The following EPM2A variants were observed in gnomAD, a reference collection of about 807,000 sequenced individuals.
EPM2A encodes the protein EPM2A glucan phosphatase, laforin.
EPM2A carries 21 observed loss-of-function variants against 26.5 expected under a neutral mutation model. That is an observed-to-expected ratio of 0.79 (90% CI 0.56 to 1.14). EPM2A has a LOEUF of 1.14. Among genes scored for constraint, EPM2A ranks in the 50% most tolerant of loss-of-function variants. The pLI is 0.00. For synonymous variants in EPM2A, 217 were observed against 177.6 expected (o/e 1.22, Z -1.76); for missense variants, 458 against 440.8 (o/e 1.04, Z -0.35).
chr6:145,671,647 CT>C (rs1383850397), intron 2 of EPM2A, among the ~76,000 whole-genome samples: 6 of 152,238 alleles, frequency 3.9e-5, no homozygotes, highest in African/African-American at 1.2e-4. Context: ...AATGAGAGAG[CT>C]GAGGCTAGAA....
chr6:145,670,790 TAAGAAA>T (rs1236415324), intron 2 of EPM2A: 1 of 376,142 alleles, frequency 2.7e-6, no homozygotes, highest in Admixed American at 6.5e-5. Flanking sequence ...TTCGAAAACA[TAAGAAA>T]AAGAGGATAT....
intron 2 of EPM2A, among the ~76,000 whole-genome samples, chr6:145,685,771 T>C (rs1223297603): frequency 6.6e-6 from 1 of 152,196 alleles, no homozygotes; most frequent in Non-Finnish European, 1.5e-5. Context: ...CAATTTTTGT[T>C]TCACTGGTAG....
intron 2 of EPM2A, among the ~76,000 whole-genome samples, chr6:145,525,566 G>A (rs1780259582): frequency 6.6e-6 from 1 of 151,990 alleles, no homozygotes; most frequent in Non-Finnish European, 1.5e-5. Flanking sequence ...TGTGGTAAAT[G>A]GAATTGCATT....
chr6:145,385,009 C>G lies in EPM2A; in HGVS notation c.556-912G>C, dbSNP rs565538069. Reference sequence around the variant, plus strand: ...ATACTAAACTACTGTCAATAATCTTCTAAATATCAAGGAAATGTAAATAGC... The same window carrying G: ...ATACTAAACTACTGTCAATAATCTTGTAAATATCAAGGAAATGTAAATAGC... On this transcript the variant is annotated intron_variant, in intron 4 of 4. Transcript: ENST00000638717. Among the ~76,000 whole-genome samples, 50 of 147,734 alleles carry G rather than the reference C, an allele frequency of 3.4e-4. 3 individuals carry two copies. The highest frequency in any genetic ancestry group is 1.1e-3 in the African/African-American group (44 of 39,882).
Position 145,385,638 on chromosome 6 carries a change from A to G in EPM2A, c.556-1541T>C, listed in dbSNP as rs185229696. On this transcript the variant is annotated intron_variant, in intron 4 of 4. Coordinates refer to the EPM2A transcript ENST00000638717. ...AACTTTTTTTCCAGGCAAAAATTGGACATAATTTAAAAATACCAAGGTGAC... is the reference window on the plus strand; with the variant it reads ...AACTTTTTTTCCAGGCAAAAATTGGGCATAATTTAAAAATACCAAGGTGAC... Among the ~76,000 whole-genome samples the G allele has an allele frequency of 6.9e-3, 1,058 of 152,232 alleles. 6 individuals carry two copies. Among genetic ancestry groups the G allele is most frequent in the Non-Finnish European group, 9.7e-3 (657 of 67,962 alleles).
intron 3 of EPM2A, chr6:145,628,002 T>A: frequency 2.8e-6 from 1 of 362,802 alleles, no homozygotes; most frequent in South Asian, 4.7e-5. Context: ...TCGCCTGTCA[T>A]CAGAATGCAC....
intron 2 of EPM2A, among the ~76,000 whole-genome samples, chr6:145,670,044 C>T (rs899850273): frequency 2.6e-5 from 4 of 152,156 alleles, no homozygotes; most frequent in Admixed American, 6.5e-5. Flanking sequence ...AGAGATGAAT[C>T]GTTTATTCTC....
At position 145,671,030 on chromosome 6, in the gene EPM2A, G is replaced by T. The variant is rs1240117956; in HGVS notation, c.476+15092C>A. 3 of 984,940 alleles carry T rather than the reference G, an allele frequency of 3.0e-6. No homozygotes were observed. In the African/African-American group the frequency reaches 5.2e-5, roughly 17 times the overall value. The allele number at this position is 984,940 out of a possible 1,614,324, so 61.0% of individuals were successfully genotyped here. ...TCAAATCATTGAATCAGATGGAAAT[G>T]CTAATTGAAATTAGTGTCTATCTTT... On this transcript the variant is annotated intron_variant, in intron 2 of 3. Transcript: ENST00000367519.
chr6:145,723,148 C>T (rs574212449), intron 1 of EPM2A, among the ~76,000 whole-genome samples: 3 of 152,148 alleles, frequency 2.0e-5, no homozygotes, highest in African/African-American at 4.8e-5. Context: ...AACATAAATG[C>T]TGTAGCACAA....
At chr6:145,522,534 T>G (rs1040585974) in intron 2 of EPM2A, among the ~76,000 whole-genome samples, 1 of 152,124 alleles carries the variant, frequency 6.6e-6, no homozygotes, top group African/African-American at 2.4e-5. Context: ...TTTAATCTCT[T>G]AAATCTATAT....
chr6:145,448,371 G>A (rs1509205), intron 4 of EPM2A, among the ~76,000 whole-genome samples: 118,231 of 151,960 alleles, frequency 0.78, 46,237 homozygotes, highest in East Asian at 0.9. Flanking sequence ...TGGGAAAAAG[G>A]CAAGAGAATT....
chr6:145,627,383 GA>G lies in EPM2A; in HGVS notation c.*32del. The G allele has an allele frequency of 1.9e-6, 3 of 1,613,232 alleles. No individual in the cohort carries two copies. Among genetic ancestry groups the G allele is most frequent in the Non-Finnish European group, 2.5e-6 (3 of 1,180,032 alleles). ...CCAACATCATCCCAGGCTCCTTAGGGAAATCAGGAGGGGGCAGAAGCAGGCT... is the reference window on the plus strand; with the variant it reads ...CCAACATCATCCCAGGCTCCTTAGGGAATCAGGAGGGGGCAGAAGCAGGCT... On this transcript the variant is annotated 3_prime_UTR_variant, in exon 4 of 4. Transcript: ENST00000367519.
intron 2 of EPM2A, among the ~76,000 whole-genome samples, chr6:145,668,211 C>A (rs1016317787): frequency 6.6e-6 from 1 of 151,110 alleles, no homozygotes; most frequent in Non-Finnish European, 1.5e-5. Context: ...CTAAACAGGC[C>A]AAAGAAGTCT....
intron 1 of EPM2A, among the ~76,000 whole-genome samples, chr6:145,724,879 A>G (rs1776118724): frequency 1.3e-5 from 2 of 152,090 alleles, no homozygotes; most frequent in African/African-American, 4.8e-5. Context: ...ACATATGTAA[A>G]AACTTCCAAA....
At chr6:145,395,621 T>G (rs1161807812) in intron 4 of EPM2A, among the ~76,000 whole-genome samples, 2 of 152,162 alleles carry the variant, frequency 1.3e-5, no homozygotes, top group African/African-American at 4.8e-5. Context: ...ACTGACCTGC[T>G]ATAAGACACT....
chr6:145,502,691 C>A (rs1779908844), intron 2 of EPM2A: 2 of 423,806 alleles, frequency 4.7e-6, no homozygotes, highest in Non-Finnish European at 9.7e-6. Flanking sequence ...GTGACTATTT[C>A]CTATCATGTA....
intron 2 of EPM2A, among the ~76,000 whole-genome samples, chr6:145,653,786 C>T (rs985365472): frequency 2.0e-5 from 3 of 152,144 alleles, no homozygotes; most frequent in African/African-American, 7.2e-5. Flanking sequence ...GAGTGAAGCC[C>T]ACTCACATTA....
chr6:145,735,612 G>A, upstream of EPM2A: 4 of 1,081,052 alleles, frequency 3.7e-6, no homozygotes, highest in African/African-American at 3.4e-5. Context: ...CCCGGGCACC[G>A]GGGAGAACAC....
intron 4 of EPM2A, among the ~76,000 whole-genome samples, chr6:145,413,225 C>T (rs184929286): frequency 2.0e-5 from 3 of 152,104 alleles, no homozygotes; most frequent in African/African-American, 4.8e-5. Context: ...TCTTGAAAGT[C>T]GTGGAGAAAC....
Sources: allele counts gnomAD v4.1 joint callset (sites outside exome capture counted in the v4.1 genomes callset), GRCh38; gene constraint gnomAD v4.1.1; transcripts MANE v1.5; gene names NCBI Gene and HGNC (gene_info 2026-07-23, HGNC 2026-07-21).